The following CNTNAP3 variants were observed in gnomAD, a reference collection of about 807,000 sequenced individuals.
The protein encoded by CNTNAP3 is contactin associated protein family member 3, also known as contactin-associated protein-like 3.
CNTNAP3 carries 36 observed loss-of-function variants against 92.1 expected under a neutral mutation model. That is an observed-to-expected ratio of 0.39 (90% confidence interval 0.30 to 0.52). The LOEUF (loss-of-function observed/expected upper bound fraction) is 0.52. Among genes scored for constraint, CNTNAP3 ranks in the 20% least tolerant of loss-of-function variants. The pLI is 0.76. For synonymous variants in CNTNAP3, 232 were observed against 422.3 expected (o/e 0.55, Z 5.53); for missense variants, 534 against 1,069.6 (o/e 0.50, Z 6.98).
intron 16 of CNTNAP3, 87 bp downstream of exon 16, chr9:39,103,657 A>G (rs1238881306): frequency 1.5e-6 from 2 of 1,379,016 alleles, no homozygotes; most frequent in East Asian, 4.8e-5. Context: ...TCACAAAATA[A>G]GAATGAAATA....
chr9:39,068,661 C>T lies in CNTNAP3; in HGVS notation c.*5229G>A, dbSNP rs1203031137. 3.9e-5 allele frequency among the ~76,000 whole-genome samples: 6 copies of T among 152,306 alleles called. No individual in the cohort carries two copies. Among genetic ancestry groups the T allele is most frequent in the African/African-American group, 9.6e-5 (4 of 41,486 alleles). ...TTCTCCAATGCAGCTCTTTCCTCGC[C>T]GGTACTCTATCCTGCAATCTCTAGC... On this transcript the variant is annotated 3_prime_UTR_variant, in exon 24 of 24. Coordinates refer to ENST00000297668, the MANE Select transcript of CNTNAP3 (RefSeq NM_033655.5).
At position 39,103,781 on chromosome 9, in the gene CNTNAP3, G is replaced by T. The variant is rs766590997; in HGVS notation, c.2499C>A (p.Asn833Lys). Residue 833 changes from asparagine (N) to lysine (K), a missense_variant, in exon 16 of 24, where the codon AAC becomes AAA. Asn to Lys is a moderately conservative substitution (Grantham distance 94, BLOSUM62 0). Coordinates refer to ENST00000297668, the MANE Select transcript of CNTNAP3 (RefSeq NM_033655.5). The part of the protein sequence containing the change: ...TTVSSGVFME[N>K]LGITDFIRIE... Reference sequence around the variant, plus strand: ...TCCTGATGAAATCTGTGATCCCCAGGTTCTCCATAAACACCCCGGAGGAAA... The same window carrying T: ...TCCTGATGAAATCTGTGATCCCCAGTTTCTCCATAAACACCCCGGAGGAAA... The T allele has an allele frequency of 7.4e-5, 120 of 1,611,046 alleles. No individual in the cohort carries two copies. Among genetic ancestry groups the T allele is most frequent in the Admixed American group, 1.0e-4 (6 of 59,966 alleles).
At chr9:39,132,567 G>A (rs114002734) in intron 13 of CNTNAP3, among the ~76,000 whole-genome samples, 1,883 of 152,216 alleles carry the variant, frequency 0.012, 44 homozygotes, top group South Asian at 0.086. Flanking sequence ...ACCAGAGTAA[G>A]GTGGTTACCG....
intron 14 of CNTNAP3, among the ~76,000 whole-genome samples, chr9:39,111,153 A>T (rs1563881368): frequency 1.3e-5 from 2 of 152,194 alleles, no homozygotes; most frequent in African/African-American, 4.8e-5. Context: ...GATATCCATC[A>T]CTTTGAGCAG....
chr9:39,148,967 A>T (rs2118135009), intron 10 of CNTNAP3, among the ~76,000 whole-genome samples: 1 of 152,336 alleles, frequency 6.6e-6, no homozygotes, highest in South Asian at 2.1e-4. Context: ...AAATCTTTGT[A>T]AAATTATGGC....
intron 9 of CNTNAP3, among the ~76,000 whole-genome samples, chr9:39,158,289 CT>C (rs1467668903): frequency 1.5e-5 from 2 of 134,234 alleles, no homozygotes; most frequent in Non-Finnish European, 3.1e-5. Flanking sequence ...TGAGTGTGAT[CT>C]TTTATTTAGG....
intron 14 of CNTNAP3, among the ~76,000 whole-genome samples, chr9:39,112,069 C>T (rs1307407092): frequency 6.6e-6 from 1 of 151,070 alleles, no homozygotes; most frequent in Non-Finnish European, 1.5e-5. Context: ...AAAGCTTATA[C>T]TATAGTCTAC....
Position 39,067,719 on chromosome 9 carries a change from C to G in CNTNAP3, c.*6171G>C, listed in dbSNP as rs62568839. Among the ~76,000 whole-genome samples, 4,492 of 141,240 alleles carry G rather than the reference C, an allele frequency of 0.032. No individual in the cohort carries two copies. The highest frequency in any genetic ancestry group is 0.077 in the Admixed American group (1,067 of 13,774). 92.7% of individuals were successfully genotyped at this position (141,240 alleles called of 152,430 possible). A position where few individuals can be genotyped will look rare whatever the true frequency, so the allele number is the denominator to read the frequency against. Reference sequence around the variant, plus strand: ...CCTGGTGTTGGATAGTTTTATGTTACTGGAAATACATGTGAACTTTGCTCA... The same window carrying G: ...CCTGGTGTTGGATAGTTTTATGTTAGTGGAAATACATGTGAACTTTGCTCA... On this transcript the variant is annotated 3_prime_UTR_variant, in exon 24 of 24. Transcript: ENST00000297668.
intron 20 of CNTNAP3, chr9:39,086,389 A>G (rs1826061176): frequency 1.6e-5 from 5 of 309,342 alleles, no homozygotes; most frequent in Non-Finnish European, 2.9e-5. Context: ...CAATGAATAG[A>G]TTCCACCAGC....
At chr9:39,137,812 T>C (rs1218372388) in intron 12 of CNTNAP3, among the ~76,000 whole-genome samples, 1 of 152,010 alleles carries the variant, frequency 6.6e-6, no homozygotes, top group Non-Finnish European at 1.5e-5. Flanking sequence ...CCGTCTGTTT[T>C]TAATGCTTGC....
chr9:39,092,738 C>G (rs1357109416), intron 18 of CNTNAP3, among the ~76,000 whole-genome samples: 1 of 135,886 alleles, frequency 7.4e-6, no homozygotes, highest in African/African-American at 2.7e-5. Context: ...AGAATGATTG[C>G]GTTTTTATTT....
At position 39,109,302 on chromosome 9, in the gene CNTNAP3, C is replaced by T; in HGVS notation, c.2238-15G>A. 2 of 1,610,818 alleles carry T rather than the reference C, an allele frequency of 1.2e-6. No individual in the cohort carries two copies. Among genetic ancestry groups the T allele is most frequent in the Non-Finnish European group, 1.7e-6 (2 of 1,179,246 alleles). On this transcript the variant is annotated splice_polypyrimidine_tract_variant and intron_variant, in intron 14 of 23. Transcript: ENST00000297668. Reference sequence around the variant, plus strand: ...TGTCACTAGTCCTAAAGAACAACAACCGAAACCATTAAAATTATTCTGATT... The same window carrying T: ...TGTCACTAGTCCTAAAGAACAACAATCGAAACCATTAAAATTATTCTGATT...
At chr9:39,108,540 T>C (rs1826662813) in intron 15 of CNTNAP3, among the ~76,000 whole-genome samples, 1 of 152,246 alleles carries the variant, frequency 6.6e-6, no homozygotes, top group South Asian at 2.1e-4. Context: ...TGTATGATGC[T>C]AGTGGGTAAG....
At chr9:39,096,355 T>C (rs1331325069) in intron 18 of CNTNAP3, among the ~76,000 whole-genome samples, 2 of 149,702 alleles carry the variant, frequency 1.3e-5, no homozygotes, top group South Asian at 2.1e-4. Flanking sequence ...TGCAGGCTAA[T>C]AGCAGTGAAT....
At chr9:39,091,809 G>A (rs998384558) in intron 18 of CNTNAP3, among the ~76,000 whole-genome samples, 2 of 151,800 alleles carry the variant, frequency 1.3e-5, no homozygotes, top group Non-Finnish European at 3.0e-5. Flanking sequence ...TTTTTAAATA[G>A]TTGATATATT....
At position 39,109,293 on chromosome 9, in the gene CNTNAP3, G is replaced by A. The variant is rs1439448362; in HGVS notation, c.2238-6C>T. 6 of 1,611,414 alleles carry A rather than the reference G, an allele frequency of 3.7e-6. No homozygotes were observed. Among genetic ancestry groups the A allele is most frequent in the Non-Finnish European group, 2.5e-6 (3 of 1,179,524 alleles). Reference sequence around the variant, plus strand: ...GGACTATTGTGTCACTAGTCCTAAAGAACAACAACCGAAACCATTAAAATT... The same window carrying A: ...GGACTATTGTGTCACTAGTCCTAAAAAACAACAACCGAAACCATTAAAATT... On this transcript the variant is annotated splice_region_variant and splice_polypyrimidine_tract_variant and intron_variant, in intron 14 of 23. Transcript: ENST00000297668.
At chr9:39,157,345 CT>C (rs200405039) in intron 9 of CNTNAP3, among the ~76,000 whole-genome samples, 118 of 9,840 alleles carry the variant, frequency 0.012, 5 homozygotes, top group East Asian at 0.097. Context: ...ATGAATTTTA[CT>C]TTTTTTTTTG....
intron 14 of CNTNAP3, among the ~76,000 whole-genome samples, chr9:39,117,295 G>GT (rs930091905): frequency 9.9e-5 from 15 of 151,488 alleles, no homozygotes; most frequent in Non-Finnish European, 1.8e-4. Flanking sequence ...CCTGGCCTAA[G>GT]TTTTTTTTTA....
intron 9 of CNTNAP3, among the ~76,000 whole-genome samples, chr9:39,152,179 T>A (rs2118152332): frequency 7.6e-6 from 1 of 132,360 alleles, no homozygotes; most frequent in South Asian, 2.7e-4. Flanking sequence ...GTACTCTTAT[T>A]TCCTCCCTGA....
Sources: gnomAD v4.1 joint callset for allele counts (sites outside exome capture counted in the v4.1 genomes callset) on GRCh38, gnomAD v4.1.1 for gene constraint, MANE v1.5 for transcripts, NCBI Gene and HGNC (gene_info 2026-07-23, HGNC 2026-07-21) for gene names.